TRPM3: variants seen among roughly 807,000 people sequenced by gnomAD.
TRPM3 encodes the protein long transient receptor potential channel 3.
TRPM3 carries 77 observed loss-of-function variants against 181.2 expected under a neutral mutation model. That is an observed-to-expected ratio of 0.42 (90% CI 0.35 to 0.51). TRPM3 has a LOEUF of 0.51. Ranked by LOEUF, TRPM3 falls within the 20% of genes least tolerant of loss-of-function variation. TRPM3 has a pLI of 0.01. For missense variants in TRPM3, 1,759 were observed against 2,196.7 expected (o/e 0.80, Z 3.98); for synonymous variants, 745 against 796.4 (o/e 0.94, Z 1.09).
At position 70,644,480 on chromosome 9, in the gene TRPM3, A is replaced by G. The variant is rs192487861; in HGVS notation, c.1346-3820T>C. ...ACCACATGATTATCTCAATAGATGC[A>G]GAAAAGGCCTTCAATAAAATTCAAC... On this transcript the variant is annotated intron_variant, in intron 9 of 25. Transcript: ENST00000677713. Among the ~76,000 whole-genome samples the G allele has an allele frequency of 2.0e-3, 301 of 152,324 alleles. 1 individual carries two copies. Among genetic ancestry groups the G allele is most frequent in the Non-Finnish European group, 3.8e-4 (26 of 68,032 alleles).
chr9:70,775,203 A>T (rs1470526452), intron 7 of TRPM3: 1 of 152,236 alleles, frequency 6.6e-6, no homozygotes, highest in Non-Finnish European at 1.5e-5. Flanking sequence ...GGAATGAAAC[A>T]CCAGTACATT....
chr9:71,296,088 G>C (rs1233970950), intron 1 of TRPM3, among the ~76,000 whole-genome samples: 1 of 152,124 alleles, frequency 6.6e-6, no homozygotes, highest in African/African-American at 2.4e-5. Context: ...ACTAAGTATA[G>C]ATGCTCAACA....
At position 71,019,866 on chromosome 9, in the gene TRPM3, G is replaced by C. The variant is rs73647931; in HGVS notation, c.177+101312C>G. On this transcript the variant is annotated intron_variant, in intron 1 of 25. Coordinates refer to ENST00000677713, the MANE Select transcript of TRPM3 (RefSeq NM_001366145.2). The stretch of plus-strand genomic sequence containing the variant: ...AATAGAACAAGGCAACAGAATAGAG[G>C]GTTCAGAAATAGACCCACTCATATA... Among the ~76,000 whole-genome samples, 106 of 152,024 alleles carry C rather than the reference G, an allele frequency of 7.0e-4. 1 individual carries two copies. Among genetic ancestry groups the C allele is most frequent in the African/African-American group, 2.5e-3 (103 of 41,478 alleles).
intron 6 of TRPM3, among the ~76,000 whole-genome samples, chr9:70,816,843 G>A (rs2092733160): frequency 6.6e-6 from 1 of 152,198 alleles, no homozygotes; most frequent in Admixed American, 6.5e-5. Flanking sequence ...AACTAAACCA[G>A]GATGGTCTAA....
At chr9:70,842,221 C>T (rs1357730065) in intron 5 of TRPM3, among the ~76,000 whole-genome samples, 2 of 152,034 alleles carry the variant, frequency 1.3e-5, no homozygotes, top group African/African-American at 2.4e-5. Context: ...AGGAGAAATG[C>T]AAGCCCCTGG....
Position 71,217,152 on chromosome 9 carries a change from G to C in TRPM3, c.183+229501C>G, listed in dbSNP as rs1025414723. Among the ~76,000 whole-genome samples the C allele has an allele frequency of 2.6e-5, 4 of 151,152 alleles. No homozygotes were observed. In the Middle Eastern group the frequency reaches 0.01, roughly 391 times the overall value. ...TTTTTAGTAGAGACGGGGTTTCACC[G>C]TGTTAGCCAGGATGGTCTCGATCTC... On this transcript the variant is annotated intron_variant, in intron 1 of 24. Coordinates refer to the TRPM3 transcript ENST00000357533.
rs533001926 is a variant in TRPM3, at chr9:70,848,794, G to A, written c.463-2203C>T. Among the ~76,000 whole-genome samples, 738 of 90,324 alleles carry A rather than the reference G, an allele frequency of 8.2e-3. 55 individuals carry two copies. The highest frequency in any genetic ancestry group is 0.022 in the Middle Eastern group (4 of 184). The allele number at this position is 90,324 out of a possible 152,430, so 59.3% of individuals were successfully genotyped here. Reference sequence around the variant, plus strand: ...AGATCGAGACCATCCTGGCTAACACGGTGAAACCCCGTCTCTACTAAAAAT... The same window carrying A: ...AGATCGAGACCATCCTGGCTAACACAGTGAAACCCCGTCTCTACTAAAAAT... On this transcript the variant is annotated intron_variant, in intron 3 of 25. Transcript: ENST00000677713.
intron 1 of TRPM3, among the ~76,000 whole-genome samples, chr9:70,935,732 A>G (rs1313624520): frequency 6.6e-6 from 1 of 152,172 alleles, no homozygotes; most frequent in Non-Finnish European, 1.5e-5. Flanking sequence ...TGTTTTCTGG[A>G]TAAGGCTTAG....
chr9:70,546,760 G>C (rs1379132362), intron 25 of TRPM3, among the ~76,000 whole-genome samples: 2 of 151,234 alleles, frequency 1.3e-5, no homozygotes, highest in African/African-American at 4.9e-5. Context: ...TCATTAGTTA[G>C]ATATTGTCCC....
chr9:70,690,558 ATTTATATTTAT>A (rs892718594), intron 8 of TRPM3, among the ~76,000 whole-genome samples: 117 of 151,836 alleles, frequency 7.7e-4, no homozygotes, highest in African/African-American at 2.8e-3. Context: ...ATTTATATTT[ATTTATATTTAT>A]TTATTTTTAA....
At chr9:71,011,441 A>AT (rs571095129) in intron 1 of TRPM3, among the ~76,000 whole-genome samples, 19 of 152,258 alleles carry the variant, frequency 1.2e-4, no homozygotes, top group African/African-American at 4.6e-4. Flanking sequence ...ACAAAAAATC[A>AT]TTTTTTAAAT....
intron 1 of TRPM3, among the ~76,000 whole-genome samples, chr9:71,091,879 T>C (rs753210245): frequency 6.6e-6 from 1 of 152,114 alleles, no homozygotes. Flanking sequence ...TTAAGGTATA[T>C]AGGAGAATTT....
intron 1 of TRPM3, among the ~76,000 whole-genome samples, chr9:71,323,828 T>C (rs2089449211): frequency 6.6e-6 from 1 of 152,078 alleles, no homozygotes; most frequent in Non-Finnish European, 1.5e-5. Flanking sequence ...GAAAGGGAGC[T>C]CGTTACTGGA....
chr9:70,750,643 A>G (rs1370444127), intron 8 of TRPM3, among the ~76,000 whole-genome samples: 1 of 152,182 alleles, frequency 6.6e-6, no homozygotes, highest in Non-Finnish European at 1.5e-5. Context: ...TGCCGAAAGA[A>G]ACTCAGAATA....
intron 9 of TRPM3, among the ~76,000 whole-genome samples, chr9:70,673,949 CAA>C (rs5898160): frequency 3.6e-4 from 32 of 89,616 alleles, no homozygotes; most frequent in Admixed American, 1.1e-3. Context: ...AACTCCATCT[CAA>C]AAAAAAAAAA....
chr9:70,889,245 GCCTC>G (rs1431239650), intron 1 of TRPM3, among the ~76,000 whole-genome samples: 3 of 152,180 alleles, frequency 2.0e-5, no homozygotes, highest in Non-Finnish European at 4.4e-5. Context: ...CCAAACTTCT[GCCTC>G]CTCTCCACAT....
At chr9:70,906,763 C>T (rs1419223253) in intron 1 of TRPM3, among the ~76,000 whole-genome samples, 7 of 151,984 alleles carry the variant, frequency 4.6e-5, no homozygotes, top group African/African-American at 9.7e-5. Context: ...AATAGCTGGG[C>T]GCGGTGGCAG....
intron 1 of TRPM3, among the ~76,000 whole-genome samples, chr9:71,323,282 A>G (rs2132479824): frequency 6.6e-6 from 1 of 152,308 alleles, no homozygotes; most frequent in Non-Finnish European, 1.5e-5. Flanking sequence ...AATTTCAGGA[A>G]TACCAGCTGC....
intron 1 of TRPM3, among the ~76,000 whole-genome samples, chr9:71,268,596 G>A (rs938947860): frequency 2.0e-4 from 30 of 151,344 alleles, no homozygotes; most frequent in Non-Finnish European, 2.5e-4. Flanking sequence ...AGGCTGAAGC[G>A]GGTGAATCAC....
Sources: gnomAD v4.1 joint callset for allele counts (sites outside exome capture counted in the v4.1 genomes callset) on GRCh38, gnomAD v4.1.1 for gene constraint, MANE v1.5 for transcripts, NCBI Gene and HGNC (gene_info 2026-07-23, HGNC 2026-07-21) for gene names.